The following ZNF827 variants were observed in gnomAD, a reference collection of about 807,000 sequenced individuals.
The protein encoded by ZNF827 is zinc finger protein 827.
ZNF827 carries 13 observed loss-of-function variants against 102.4 expected under a neutral mutation model. That is an observed-to-expected ratio of 0.13 (90% CI 0.08 to 0.20). The LOEUF (loss-of-function observed/expected upper bound fraction) is 0.20, where lower values mean the gene tolerates loss of function less well. Among genes scored for constraint, ZNF827 ranks in the 10% least tolerant of loss-of-function variants. The pLI is 1.00. For missense variants in ZNF827, 1,103 were observed against 1,344.4 expected (o/e 0.82, Z 2.81); for synonymous variants, 523 against 536.2 (o/e 0.98, Z 0.34).
At chr4:145,856,131 A>G (rs1747083913) in intron 5 of ZNF827, among the ~76,000 whole-genome samples, 1 of 151,806 alleles carries the variant, frequency 6.6e-6, no homozygotes, top group Non-Finnish European at 1.5e-5. Context: ...AGTAGCTGGG[A>G]TTACAGTCTT....
At chr4:145,791,636 T>C (rs1739720321) in intron 8 of ZNF827, among the ~76,000 whole-genome samples, 1 of 152,212 alleles carries the variant, frequency 6.6e-6, no homozygotes, top group Non-Finnish European at 1.5e-5. Flanking sequence ...AATACACATA[T>C]ACTTTCTTTA....
At chr4:145,871,896 A>G (rs1011483565) in intron 4 of ZNF827, among the ~76,000 whole-genome samples, 4 of 152,234 alleles carry the variant, frequency 2.6e-5, no homozygotes, top group Non-Finnish European at 5.9e-5. Context: ...AGCTGGGACC[A>G]GAACCTAAGT....
chr4:145,902,228 T>TGTGGTG lies in ZNF827; in HGVS notation c.1025_1030dup (p.Pro342_Pro343dup), dbSNP rs746388821. On this transcript the variant is annotated inframe_insertion, in exon 2 of 15. Coordinates refer to ENST00000508784, the MANE Select transcript of ZNF827 (RefSeq NM_001306215.2). The surrounding 1 kb of genome is among the most constrained non-coding windows in gnomAD (Gnocchi z 4.3). ...TGGGAGTAATAATAATTCCAGGGAT[T>TGTGGTG]GTGGTGGTGGTGGTGGAGGTGGTGG... 1 of 1,601,196 alleles carries TGTGGTG rather than the reference T, an allele frequency of 6.2e-7. No individual in the cohort carries two copies. The highest frequency in any genetic ancestry group is 8.5e-7 in the Non-Finnish European group (1 of 1,173,040).
chr4:145,825,348 A>T (rs146354457), intron 7 of ZNF827, among the ~76,000 whole-genome samples: 1 of 152,212 alleles, frequency 6.6e-6, no homozygotes, highest in Non-Finnish European at 1.5e-5. Context: ...CTTTGTCCCA[A>T]CAGTAGTGAG....
intron 5 of ZNF827, among the ~76,000 whole-genome samples, chr4:145,864,117 C>G (rs993264873): frequency 2.0e-5 from 3 of 151,944 alleles, no homozygotes; most frequent in Non-Finnish European, 4.4e-5. Context: ...TGCTTGAACC[C>G]AGGAACCCAC....
At chr4:145,864,687 A>G (rs1021699885) in intron 5 of ZNF827, among the ~76,000 whole-genome samples, 1 of 152,186 alleles carries the variant, frequency 6.6e-6, no homozygotes, top group African/African-American at 2.4e-5. Flanking sequence ...GTTGAAATGA[A>G]TATGTGAATT....
intron 1 of ZNF827, among the ~76,000 whole-genome samples, chr4:145,907,897 G>A (rs1751994045): frequency 6.6e-6 from 1 of 152,182 alleles, no homozygotes; most frequent in Non-Finnish European, 1.5e-5. Context: ...AAAATATGCT[G>A]AATAAATTTT....
rs370427705 is a variant in ZNF827 at position 145,938,622 on chromosome 4, CTT to C, written c.-217_-216del. On this transcript the variant is annotated 5_prime_UTR_variant, in exon 1 of 15. Transcript: ENST00000508784. ...CTTCTTTTCTTTCCTTTCTTTTTTC[CTT>C]TTTTTTTTTTTTTTAAATTTTTGGT... The C allele has an allele frequency of 0.024, 9,867 of 412,322 alleles. No homozygotes were observed. The highest frequency in any genetic ancestry group is 0.054 in the South Asian group (1,646 of 30,524). 25.5% of individuals were successfully genotyped at this position (412,322 alleles called of 1,614,324 possible).
intron 3 of ZNF827, among the ~76,000 whole-genome samples, chr4:145,889,981 A>AT (rs778892044): frequency 1.5e-4 from 23 of 151,122 alleles, no homozygotes; most frequent in African/African-American, 5.1e-4. Context: ...CGTCTCAAAA[A>AT]TTAAAAAAAA....
chr4:145,849,240 T>A, intron 6 of ZNF827, 82 bp downstream of exon 6: 1 of 1,450,406 alleles, frequency 6.9e-7, no homozygotes, highest in Non-Finnish European at 9.0e-7. Flanking sequence ...AATTCAGGTT[T>A]TTTTTTTTAA....
At chr4:145,807,503 C>T (rs549827405) in intron 8 of ZNF827, among the ~76,000 whole-genome samples, 4 of 151,004 alleles carry the variant, frequency 2.6e-5, no homozygotes, top group South Asian at 2.1e-4. Flanking sequence ...GACATAGTCT[C>T]GCTCTGTCGC....
intron 5 of ZNF827, among the ~76,000 whole-genome samples, chr4:145,857,930 T>A (rs1747311441): frequency 6.6e-6 from 1 of 152,206 alleles, no homozygotes; most frequent in Admixed American, 6.5e-5. Flanking sequence ...CAGAATATAC[T>A]TTTCCTGTCT....
chr4:145,872,298 A>G (rs1377429564), intron 4 of ZNF827, among the ~76,000 whole-genome samples: 1 of 152,184 alleles, frequency 6.6e-6, no homozygotes, highest in Non-Finnish European at 1.5e-5. Context: ...GACTGGTTCC[A>G]TTAAAGAACC....
chr4:145,849,226 C>G, intron 6 of ZNF827, 96 bp downstream of exon 6: 2 of 1,453,090 alleles, frequency 1.4e-6, no homozygotes, highest in Non-Finnish European at 1.8e-6. Flanking sequence ...CTAAAAAATC[C>G]TATAATTCAG....
At chr4:145,789,849 G>A (rs1038959704) in intron 8 of ZNF827, among the ~76,000 whole-genome samples, 11 of 152,286 alleles carry the variant, frequency 7.2e-5, no homozygotes, top group African/African-American at 2.4e-4. Context: ...GCTTTATTGA[G>A]GCAACCTAAA....
At chr4:145,935,426 C>T (rs1341835592) in intron 1 of ZNF827, among the ~76,000 whole-genome samples, 1 of 152,222 alleles carries the variant, frequency 6.6e-6, no homozygotes, top group African/African-American at 2.4e-5. Flanking sequence ...CTGCAAAATA[C>T]ACCATTTGCC....
chr4:145,818,687 G>A (rs1038522232), intron 8 of ZNF827, among the ~76,000 whole-genome samples: 2 of 152,212 alleles, frequency 1.3e-5, no homozygotes, highest in Non-Finnish European at 2.9e-5. Flanking sequence ...CTCGAGGCCT[G>A]AGTTGGGAAG....
chr4:145,764,631 A>G (rs1203982748), intron 13 of ZNF827: 1 of 229,590 alleles, frequency 4.4e-6, no homozygotes, highest in Non-Finnish European at 8.6e-6. Flanking sequence ...AATCTCGGTC[A>G]CAGTATGATT....
chr4:145,881,707 T>TG (rs1217520932), intron 4 of ZNF827, among the ~76,000 whole-genome samples: 2 of 152,110 alleles, frequency 1.3e-5, no homozygotes, highest in Non-Finnish European at 2.9e-5. Flanking sequence ...AGGAAACACC[T>TG]GGGGCTCCAT....
Sources: allele counts gnomAD v4.1 joint callset (sites outside exome capture counted in the v4.1 genomes callset), GRCh38; gene constraint gnomAD v4.1.1; non-coding constraint Gnocchi (gnomAD v3.1); transcripts MANE v1.5; gene names NCBI Gene and HGNC (gene_info 2026-07-23, HGNC 2026-07-21).